Variants in NELL1 observed in about 807,000 individuals in gnomAD.
NELL1 encodes the protein protein kinase C-binding protein NELL1.
A neutral mutation model predicts 107.4 loss-of-function variants in NELL1; 76 were observed. The ratio of observed to expected loss-of-function variants is 0.71; its 90% CI spans 0.59 to 0.86. The LOEUF is 0.86. Ranked by LOEUF, NELL1 falls within the 40% of genes least tolerant of loss-of-function variation. The pLI is 0.00. For synonymous variants in NELL1, 353 were observed against 341.2 expected, an observed-to-expected ratio of 1.03 and a Z score of -0.38; for missense variants, 1,024 against 1,005.5, an observed-to-expected ratio of 1.02 and a Z score of -0.25.
intron 12 of NELL1, among the ~76,000 whole-genome samples, chr11:20,971,091 A>G (rs1032090580): frequency 2.6e-5 from 4 of 152,104 alleles, no homozygotes; most frequent in African/African-American, 9.7e-5. Flanking sequence ...TCCCTCTGAT[A>G]ACTCAGATAC....
chr11:21,524,951 T>G (rs1342570069), intron 15 of NELL1, among the ~76,000 whole-genome samples: 1 of 152,124 alleles, frequency 6.6e-6, no homozygotes, highest in Non-Finnish European at 1.5e-5. Context: ...ATGTAAAGCT[T>G]TGGGCAGAAT....
chr11:20,711,577 AC>A (rs1202145070), intron 2 of NELL1, among the ~76,000 whole-genome samples: 1 of 151,926 alleles, frequency 6.6e-6, no homozygotes, highest in Non-Finnish European at 1.5e-5. Context: ...CTGGCTTGGT[AC>A]TGGCAAATTC....
intron 14 of NELL1, among the ~76,000 whole-genome samples, chr11:21,338,832 G>A (rs950947257): frequency 2.0e-5 from 3 of 152,174 alleles, no homozygotes; most frequent in African/African-American, 7.2e-5. Flanking sequence ...TTCAAGAGGA[G>A]CAGAGATTGG....
intron 3 of NELL1, among the ~76,000 whole-genome samples, chr11:20,832,011 C>T (rs1858020566): frequency 6.6e-6 from 1 of 152,268 alleles, no homozygotes; most frequent in South Asian, 2.1e-4. Flanking sequence ...AATGTTTAGT[C>T]ATTATTTCCA....
intron 12 of NELL1, among the ~76,000 whole-genome samples, chr11:20,968,903 G>T (rs1291441597): frequency 6.6e-6 from 1 of 152,082 alleles, no homozygotes; most frequent in African/African-American, 2.4e-5. Context: ...AACTCAGATG[G>T]TGGCTCTATC....
intron 4 of NELL1, among the ~76,000 whole-genome samples, chr11:20,859,040 G>T (rs1261636512): frequency 1.3e-5 from 2 of 152,200 alleles, no homozygotes; most frequent in South Asian, 2.1e-4. Flanking sequence ...GTTAGTACCT[G>T]TGCCTGCTTC....
chr11:20,859,703 G>T (rs964010469), intron 4 of NELL1, among the ~76,000 whole-genome samples: 1 of 152,210 alleles, frequency 6.6e-6, no homozygotes. Context: ...GGGTTGGGCA[G>T]TAGGAGACCC....
rs367945588 is a variant in NELL1, at chr11:20,919,232, T to G, written c.677-20T>G. On this transcript the variant is annotated intron_variant, in intron 6 of 19. Coordinates refer to ENST00000357134, the MANE Select transcript of NELL1 (RefSeq NM_006157.5). ...ATTAGCACAATATAAATATATATGTTTTATATTTTCTTTATTGAGCTTGCC... is the reference window on the plus strand; with the variant it reads ...ATTAGCACAATATAAATATATATGTGTTATATTTTCTTTATTGAGCTTGCC... 6.2e-6 allele frequency: 9 copies of G among 1,441,104 alleles called. No individual in the cohort carries two copies. Among genetic ancestry groups the G allele is most frequent in the Non-Finnish European group, 8.7e-6 (9 of 1,034,586 alleles). 89.3% of individuals were successfully genotyped at this position (1,441,104 alleles called of 1,614,324 possible).
intron 11 of NELL1, among the ~76,000 whole-genome samples, chr11:20,957,266 G>A (rs1187507619): frequency 1.3e-5 from 2 of 152,174 alleles, no homozygotes; most frequent in African/African-American, 4.8e-5. Flanking sequence ...GACTCTAGAT[G>A]GAGGTCTAGA....
chr11:20,898,373 C>G (rs1444527148), intron 5 of NELL1, among the ~76,000 whole-genome samples: 2 of 151,558 alleles, frequency 1.3e-5, no homozygotes, highest in African/African-American at 4.9e-5. Flanking sequence ...TGAACAATGA[C>G]AACACATGGA....
chr11:21,552,965 T>C (rs186666038), intron 16 of NELL1, among the ~76,000 whole-genome samples: 1 of 151,956 alleles, frequency 6.6e-6, no homozygotes. Flanking sequence ...ATAATATGCA[T>C]GAAAGGACTT....
chr11:21,549,162 G>C (rs1368695568), intron 16 of NELL1, among the ~76,000 whole-genome samples: 1 of 151,826 alleles, frequency 6.6e-6, no homozygotes, highest in East Asian at 1.9e-4. Flanking sequence ...TGTTTGAGAA[G>C]CAGTGATCAT....
At chr11:21,468,998 TG>T (rs1854103571) in intron 15 of NELL1, among the ~76,000 whole-genome samples, 1 of 150,566 alleles carries the variant, frequency 6.6e-6, no homozygotes, top group Admixed American at 6.7e-5. Flanking sequence ...GTGTTTTTTT[TG>T]TTTGTTTTTT....
chr11:20,689,040 T>C (rs9704652), intron 2 of NELL1, among the ~76,000 whole-genome samples: 66,852 of 152,006 alleles, frequency 0.44, 16,335 homozygotes, highest in Middle Eastern at 0.61. Context: ...CGTTTTTTCA[T>C]ATGCTTATTG....
At chr11:21,230,740 T>C (rs1858026176) in intron 14 of NELL1, among the ~76,000 whole-genome samples, 1 of 152,228 alleles carries the variant, frequency 6.6e-6, no homozygotes, top group South Asian at 2.1e-4. Context: ...AAGATCAATT[T>C]TATTCTGTGT....
intron 14 of NELL1, chr11:21,284,137 C>G (rs903111165): frequency 4.7e-6 from 2 of 422,700 alleles, no homozygotes; most frequent in African/African-American, 4.1e-5. Context: ...TGAAGAGTAG[C>G]GTTAAAACTG....
At chr11:20,799,416 T>C (rs79559057) in intron 3 of NELL1, among the ~76,000 whole-genome samples, 12,845 of 152,264 alleles carry the variant, frequency 0.084, 581 homozygotes, top group Middle Eastern at 0.18. Flanking sequence ...GCAAAGGAAG[T>C]CTACCCATCC....
chr11:21,047,001 G>A (rs941521221), intron 12 of NELL1, among the ~76,000 whole-genome samples: 1 of 151,830 alleles, frequency 6.6e-6, no homozygotes, highest in African/African-American at 2.4e-5. Context: ...ACAGGTGTGA[G>A]CCCCAGCACC....
At chr11:21,204,831 T>A (rs915137223) in intron 13 of NELL1, among the ~76,000 whole-genome samples, 1 of 152,160 alleles carries the variant, frequency 6.6e-6, no homozygotes, top group Non-Finnish European at 1.5e-5. Context: ...TTGGTGCTAA[T>A]CCTTTCTGTT....
Sources: allele counts gnomAD v4.1 joint callset (sites outside exome capture counted in the v4.1 genomes callset), GRCh38; gene constraint gnomAD v4.1.1; transcripts MANE v1.5; gene names NCBI Gene and HGNC (gene_info 2026-07-23, HGNC 2026-07-21).